The following LIPC variants were observed in gnomAD, a reference collection of about 807,000 sequenced individuals.
The protein encoded by LIPC is hepatic triacylglycerol lipase.
LIPC carries 44 observed loss-of-function variants against 50.7 expected under a neutral mutation model. The ratio of observed to expected loss-of-function variants is 0.87; its 90% CI spans 0.68 to 1.11. LIPC has a LOEUF of 1.11. Ranked by LOEUF, LIPC falls within the 50% of genes most tolerant of loss-of-function variation. LIPC has a pLI of 0.00. For missense variants in LIPC, 697 were observed against 648.2 expected (o/e 1.08, Z -0.82); for synonymous variants, 271 against 256.4 (o/e 1.06, Z -0.54).
chr15:58,494,162 C>T (rs1328143152), intron 1 of LIPC, among the ~76,000 whole-genome samples: 1 of 152,224 alleles, frequency 6.6e-6, no homozygotes. Flanking sequence ...GCTTCTCCCA[C>T]AGCAAGAGAG....
intron 1 of LIPC, among the ~76,000 whole-genome samples, chr15:58,433,333 A>G (rs1242730650): frequency 6.6e-6 from 1 of 152,196 alleles, no homozygotes; most frequent in African/African-American, 2.4e-5. Context: ...AAGGGCCTCT[A>G]TCATAAATCC....
intron 1 of LIPC, among the ~76,000 whole-genome samples, chr15:58,528,594 G>C (rs549050949): frequency 1.3e-5 from 2 of 151,922 alleles, no homozygotes; most frequent in East Asian, 1.9e-4. Context: ...CTGCAGTCTC[G>C]ACCTCGCTCA....
chr15:58,539,191 A>G (rs994882930), intron 2 of LIPC, among the ~76,000 whole-genome samples: 2 of 152,218 alleles, frequency 1.3e-5, no homozygotes, highest in Admixed American at 6.5e-5. Context: ...AAGGAGTCAA[A>G]AGCAAGGTTT....
intron 1 of LIPC, among the ~76,000 whole-genome samples, chr15:58,499,477 C>T (rs755159006): frequency 2.6e-5 from 4 of 152,188 alleles, no homozygotes; most frequent in Non-Finnish European, 5.9e-5. Context: ...TTCCCTGAAG[C>T]AGCTTTCATA....
rs143819838 is a variant in LIPC, at chr15:58,535,071, G to A, written c.89-3262G>A. ...GCCCCACTTTCTTTAACAATTGCTC[G>A]TGGATATGAGCTCTTAAAGAGTCTT... is the stretch of plus-strand genomic sequence containing the variant. On this transcript the variant is annotated intron_variant, in intron 1 of 8. Transcript: ENST00000299022. Among the ~76,000 whole-genome samples, 482 of 152,250 alleles carry A rather than the reference G, an allele frequency of 3.2e-3. 2 individuals carry two copies. Among genetic ancestry groups the A allele is most frequent in the African/African-American group, 8.9e-3 (369 of 41,542 alleles).
rs188783794 is a variant in LIPC at position 58,492,920 on chromosome 15, C to A, written c.89-45413C>A. Among the ~76,000 whole-genome samples, 47 of 152,260 alleles carry A rather than the reference C, an allele frequency of 3.1e-4. 1 individual carries two copies. The East Asian group carries it at 7.7e-3, about 25-fold the overall frequency. ...GCAAATCTGCAGGATTACATCAGAG[C>A]TTATTTTCCCCCGTATGCCCCTAAT... On this transcript the variant is annotated intron_variant, in intron 1 of 8. Transcript: ENST00000299022.
intron 8 of LIPC, chr15:58,563,941 G>T: frequency 1.7e-6 from 1 of 583,552 alleles, no homozygotes; most frequent in South Asian, 1.8e-5. Context: ...TACACACCAG[G>T]GTCTCCCCAC....
intron 1 of LIPC, among the ~76,000 whole-genome samples, chr15:58,437,951 C>T (rs1239224574): frequency 6.6e-6 from 1 of 152,132 alleles, no homozygotes; most frequent in Non-Finnish European, 1.5e-5. Context: ...AGACGGGGGA[C>T]AGCAGCCTGT....
intron 6 of LIPC, among the ~76,000 whole-genome samples, chr15:58,551,154 T>G (rs1353851780): frequency 1.3e-5 from 2 of 152,094 alleles, no homozygotes; most frequent in African/African-American, 4.8e-5. Context: ...TCTCCTTTTC[T>G]GCTCCCCCAC....
rs150994827 is a variant in LIPC, at chr15:58,504,378, C to A, written c.89-33955C>A. Among the ~76,000 whole-genome samples the A allele has an allele frequency of 5.0e-3, 769 of 152,282 alleles. 10 individuals are homozygous for A. Among genetic ancestry groups the A allele is most frequent in the African/African-American group, 0.018 (745 of 41,540 alleles). Reference sequence around the variant, plus strand: ...ACCTGTGGACCATTCAGAAAAGATGCTTTTTGAGTCTCAAGCAAGTGACTC... The same window carrying A: ...ACCTGTGGACCATTCAGAAAAGATGATTTTTGAGTCTCAAGCAAGTGACTC... On this transcript the variant is annotated intron_variant, in intron 1 of 8. Coordinates refer to ENST00000299022, the MANE Select transcript of LIPC (RefSeq NM_000236.3).
intron 1 of LIPC, among the ~76,000 whole-genome samples, chr15:58,524,279 C>A (rs74464581): frequency 0.017 from 2,548 of 152,304 alleles, 88 homozygotes; most frequent in African/African-American, 0.059. Flanking sequence ...CAGAGTGTTT[C>A]TTTAGTCAAG....
chr15:58,464,602 AC>A (rs1339382111), intron 1 of LIPC, among the ~76,000 whole-genome samples: 1 of 152,100 alleles, frequency 6.6e-6, no homozygotes, highest in Non-Finnish European at 1.5e-5. Context: ...TTTCTAACTC[AC>A]CTTCAACTTC....
At chr15:58,481,707 G>A (rs562088537) in intron 1 of LIPC, among the ~76,000 whole-genome samples, 2 of 152,338 alleles carry the variant, frequency 1.3e-5, no homozygotes, top group African/African-American at 4.8e-5. Flanking sequence ...CTGAGGCAGG[G>A]AGAATTGCTT....
Position 58,452,096 on chromosome 15 carries a change from C to T in LIPC, c.88+19976C>T, listed in dbSNP as rs182340946. 1.2e-4 allele frequency among the ~76,000 whole-genome samples: 19 copies of T among 152,298 alleles called. No homozygotes were observed. In the East Asian group the frequency reaches 3.5e-3, roughly 28 times the overall value. ...GATGCTCGGGGCCCTATTTTCAAGG[C>T]TGTGTATGTTGAATACACATTTCAG... On this transcript the variant is annotated intron_variant, in intron 1 of 8. Coordinates refer to ENST00000299022, the MANE Select transcript of LIPC (RefSeq NM_000236.3).
chr15:58,463,683 C>G (rs1201825793), intron 1 of LIPC, among the ~76,000 whole-genome samples: 1 of 152,196 alleles, frequency 6.6e-6, no homozygotes, highest in African/African-American at 2.4e-5. Flanking sequence ...ACTCCCATCT[C>G]CTTGACCTCT....
intron 8 of LIPC, chr15:58,565,221 C>A: frequency 6.5e-7 from 1 of 1,535,726 alleles, no homozygotes; most frequent in African/African-American, 1.4e-5. Context: ...ACTGCTCGCT[C>A]CTCTTCTGCA....
rs7166817 is a variant in LIPC at position 58,556,629 on chromosome 15, G to A, written c.1052-4235G>A. On this transcript the variant is annotated intron_variant, in intron 6 of 8. Coordinates refer to ENST00000299022, the MANE Select transcript of LIPC (RefSeq NM_000236.3). Reference sequence around the variant, plus strand: ...CTCATACTAGACAGTTTCGTAGCCTGTGTTTTTTTGTTTTTGTTTTCTTTT... The same window carrying A: ...CTCATACTAGACAGTTTCGTAGCCTATGTTTTTTTGTTTTTGTTTTCTTTT... 6.3e-3 allele frequency among the ~76,000 whole-genome samples: 964 copies of A among 152,268 alleles called. 11 individuals carry two copies. Among genetic ancestry groups the A allele is most frequent in the African/African-American group, 0.022 (928 of 41,560 alleles).
At chr15:58,432,438 T>C (rs1395716270) in intron 1 of LIPC, 1 of 369,098 alleles carries the variant, frequency 2.7e-6, no homozygotes, top group Non-Finnish European at 5.1e-6. Context: ...GATTCAGATC[T>C]TCCTGAGAGT....
intron 1 of LIPC, among the ~76,000 whole-genome samples, chr15:58,524,450 A>C (rs1365013257): frequency 6.6e-6 from 1 of 152,250 alleles, no homozygotes; most frequent in African/African-American, 2.4e-5. Context: ...CACAGGGTAG[A>C]GTCCCATGCA....
Sources: gnomAD v4.1 joint callset for allele counts (sites outside exome capture counted in the v4.1 genomes callset) on GRCh38, gnomAD v4.1.1 for gene constraint, MANE v1.5 for transcripts, NCBI Gene and HGNC (gene_info 2026-07-23, HGNC 2026-07-21) for gene names.